Variants in SGMS1 observed in about 807,000 individuals in gnomAD.
SGMS1 encodes phosphatidylcholine:ceramide cholinephosphotransferase 1.
SGMS1 carries 13 observed loss-of-function variants against 46.2 expected under a neutral mutation model. The observed-to-expected ratio is 0.28, with a 90% CI of 0.18 to 0.45. The LOEUF is 0.45. SGMS1 is among the 20% of genes least tolerant of loss of function. The pLI is 1.00. For synonymous variants in SGMS1, 203 were observed against 187.8 expected (o/e 1.08, Z -0.66); for missense variants, 324 against 519.9 (o/e 0.62, Z 3.66).
intron 3 of SGMS1, among the ~76,000 whole-genome samples, chr10:50,514,605 T>A (rs778497053): frequency 1.1e-4 from 16 of 152,312 alleles, no homozygotes; most frequent in Non-Finnish European, 2.1e-4. Context: ...TCATGCCACA[T>A]CTTTGGGGGC....
chr10:50,397,067 A>T (rs1284326436), intron 6 of SGMS1, among the ~76,000 whole-genome samples: 1 of 152,214 alleles, frequency 6.6e-6, no homozygotes, highest in East Asian at 1.9e-4. Flanking sequence ...AGCAAAAAAA[A>T]AATGCTTCTT....
chr10:50,312,452 A>G (rs766946035), intron 8 of SGMS1, among the ~76,000 whole-genome samples: 8 of 152,140 alleles, frequency 5.3e-5, no homozygotes, highest in Non-Finnish European at 1.0e-4. Context: ...AGATCTACAT[A>G]TCAAGACTCA....
At chr10:50,410,658 G>C (rs529826256) in intron 6 of SGMS1, among the ~76,000 whole-genome samples, 1 of 152,350 alleles carries the variant, frequency 6.6e-6, no homozygotes, top group African/African-American at 2.4e-5. Context: ...GGAGGACTCA[G>C]CGGTATTCAC....
chr10:50,412,449 A>G (rs964899924), intron 6 of SGMS1, among the ~76,000 whole-genome samples: 1 of 152,190 alleles, frequency 6.6e-6, no homozygotes, highest in Non-Finnish European at 1.5e-5. Context: ...TCCAACCCCT[A>G]TCACCTACAA....
At chr10:50,355,791 C>T (rs539567672) in intron 6 of SGMS1, among the ~76,000 whole-genome samples, 156 of 151,240 alleles carry the variant, frequency 1.0e-3, no homozygotes, top group African/African-American at 3.5e-3. Context: ...AAGTGAGTAG[C>T]GCCTCTTCCC....
intron 6 of SGMS1, among the ~76,000 whole-genome samples, chr10:50,400,047 T>C (rs1429436877): frequency 6.9e-6 from 1 of 144,390 alleles, no homozygotes. Context: ...AAAAAAAGAG[T>C]TCAAGGAAGG....
intron 2 of SGMS1, among the ~76,000 whole-genome samples, chr10:50,572,240 G>C (rs1838342416): frequency 6.6e-6 from 1 of 152,176 alleles, no homozygotes; most frequent in South Asian, 2.1e-4. Flanking sequence ...AAGGATACTA[G>C]AGTACTGTAG....
upstream of SGMS1, chr10:50,623,969 C>G: frequency 1.0e-6 from 1 of 985,462 alleles, no homozygotes; most frequent in Middle Eastern, 5.2e-4. Flanking sequence ...CGAGCATGCC[C>G]AGTCCGCTGC....
intron 6 of SGMS1, among the ~76,000 whole-genome samples, chr10:50,423,385 T>A (rs190964238): frequency 1.3e-5 from 2 of 152,328 alleles, no homozygotes; most frequent in East Asian, 3.9e-4. Context: ...TGGTCCAGTT[T>A]GGGGCCATGT....
chr10:50,335,510 C>T (rs1418396913), intron 7 of SGMS1: 1 of 152,246 alleles, frequency 6.6e-6, no homozygotes, highest in Admixed American at 6.5e-5. Context: ...TGGCCAAAGT[C>T]ACTCAGTCAG....
intron 3 of SGMS1, among the ~76,000 whole-genome samples, chr10:50,499,459 T>A (rs1365250794): frequency 6.6e-6 from 1 of 152,196 alleles, no homozygotes; most frequent in East Asian, 1.9e-4. Context: ...AAAAGGTCTC[T>A]TTAGCATTGA....
chr10:50,581,319 C>T (rs572298539), intron 2 of SGMS1, among the ~76,000 whole-genome samples: 53 of 152,326 alleles, frequency 3.5e-4, no homozygotes, highest in African/African-American at 1.2e-3. Flanking sequence ...TAAGAGCAGA[C>T]TTGTGCCACT....
intron 5 of SGMS1, among the ~76,000 whole-genome samples, chr10:50,442,184 A>T (rs1014476616): frequency 2.7e-5 from 4 of 147,276 alleles, no homozygotes; most frequent in African/African-American, 1.0e-4. Context: ...TCTGCTGTAG[A>T]TTTTTTTTTT....
chr10:50,457,500 G>T (rs1837206956), intron 5 of SGMS1, among the ~76,000 whole-genome samples: 1 of 152,040 alleles, frequency 6.6e-6, no homozygotes, highest in African/African-American at 2.4e-5. Flanking sequence ...GCTGAGGCTT[G>T]GTGTACGAAG....
Position 50,613,336 on chromosome 10 carries a change from T to A in SGMS1, c.-684+10371A>T, listed in dbSNP as rs146370065. On this transcript the variant is annotated intron_variant, in intron 1 of 10. Coordinates refer to ENST00000361781, the MANE Select transcript of SGMS1 (RefSeq NM_147156.4). Reference sequence around the variant, plus strand: ...TACTCACTACTTGGTGATGACATCATCTGTGGACATGTCTGTCTCCCCACT... The same window carrying A: ...TACTCACTACTTGGTGATGACATCAACTGTGGACATGTCTGTCTCCCCACT... Among the ~76,000 whole-genome samples, 1,054 of 152,320 alleles carry A rather than the reference T, an allele frequency of 6.9e-3. 3 individuals carry two copies. Among genetic ancestry groups the A allele is most frequent in the Non-Finnish European group, 0.011 (742 of 68,024 alleles).
At chr10:50,393,451 C>A (rs193106682) in intron 6 of SGMS1, among the ~76,000 whole-genome samples, 1 of 152,128 alleles carries the variant, frequency 6.6e-6, no homozygotes, top group East Asian at 1.9e-4. Context: ...TGTCACTTAA[C>A]GGGAAGATAC....
At chr10:50,526,706 T>A (rs1308682346) in intron 2 of SGMS1, among the ~76,000 whole-genome samples, 3 of 152,112 alleles carry the variant, frequency 2.0e-5, no homozygotes, top group African/African-American at 7.2e-5. Flanking sequence ...TGTTATTCAA[T>A]CCCTGATTCT....
chr10:50,477,117 C>T (rs1411583003), intron 3 of SGMS1, among the ~76,000 whole-genome samples: 1 of 152,250 alleles, frequency 6.6e-6, no homozygotes, highest in African/African-American at 2.4e-5. Context: ...GTTGCAGGCA[C>T]TCTATGCCAG....
At chr10:50,531,400 C>T (rs1313985471) in intron 2 of SGMS1, among the ~76,000 whole-genome samples, 1 of 152,030 alleles carries the variant, frequency 6.6e-6, no homozygotes, top group East Asian at 1.9e-4. Flanking sequence ...AATTCCCTTA[C>T]CTTTATTCAT....
Sources: allele counts gnomAD v4.1 joint callset (sites outside exome capture counted in the v4.1 genomes callset), GRCh38; gene constraint gnomAD v4.1.1; transcripts MANE v1.5; gene names NCBI Gene and HGNC (gene_info 2026-07-23, HGNC 2026-07-21).